CTNNA2: variants seen among roughly 807,000 people sequenced by gnomAD.
The protein encoded by CTNNA2 is catenin alpha-2.
CTNNA2 carries 42 observed loss-of-function variants against 101.0 expected under a neutral mutation model. The ratio of observed to expected loss-of-function variants is 0.42; its 90% CI spans 0.32 to 0.54. CTNNA2 has a LOEUF of 0.54. CTNNA2 is among the 20% of genes least tolerant of loss of function. The probability of loss-of-function intolerance (pLI) is 0.14; values close to 1 mark genes in which losing one functional copy is unlikely to be tolerated. For synonymous variants in CTNNA2, 450 were observed against 456.4 expected (o/e 0.99, Z 0.18); for missense variants, 871 against 1,223.1 (o/e 0.71, Z 4.29).
chr2:79,376,634 C>T (rs1160253818), intron 4 of CTNNA2, among the ~76,000 whole-genome samples: 2 of 152,058 alleles, frequency 1.3e-5, no homozygotes, highest in African/African-American at 2.4e-5. Context: ...ATCCCTCTCC[C>T]CTCCCCCAAC....
At chr2:79,286,290 G>C (rs1195570592) in intron 2 of CTNNA2, among the ~76,000 whole-genome samples, 1 of 152,262 alleles carries the variant, frequency 6.6e-6, no homozygotes, top group South Asian at 2.1e-4. Flanking sequence ...AATTTGATCT[G>C]TCATTATGAT....
intron 7 of CTNNA2, among the ~76,000 whole-genome samples, chr2:80,255,738 G>A (rs952224903): frequency 2.0e-5 from 3 of 152,142 alleles, no homozygotes; most frequent in African/African-American, 7.2e-5. Context: ...ATTGTTCCAG[G>A]AAAGGATGAA....
chr2:80,360,050 T>C (rs12614057), intron 7 of CTNNA2, among the ~76,000 whole-genome samples: 35,779 of 152,006 alleles, frequency 0.24, 4,354 homozygotes, highest in East Asian at 0.39. Context: ...TTTACATCTT[T>C]AATTCCTTTT....
intron 15 of CTNNA2, among the ~76,000 whole-genome samples, chr2:80,589,892 G>GTGTGTGTC (rs1553400596): frequency 5.8e-4 from 86 of 149,374 alleles, no homozygotes; most frequent in African/African-American, 2.0e-3. Context: ...GTGTGTGTGT[G>GTGTGTGTC]TGTGTGTGTG....
chr2:80,096,568 T>C (rs1472374635), intron 7 of CTNNA2, among the ~76,000 whole-genome samples: 1 of 152,174 alleles, frequency 6.6e-6, no homozygotes, highest in Admixed American at 6.5e-5. Flanking sequence ...CCTTGTTAAC[T>C]TTCTGTCTTG....
chr2:80,504,651 G>C (rs1418787587), intron 9 of CTNNA2, among the ~76,000 whole-genome samples: 1 of 152,148 alleles, frequency 6.6e-6, no homozygotes. Flanking sequence ...GGCCTTGGGT[G>C]GGGAACTCTC....
At chr2:80,214,190 T>C (rs1708098718) in intron 7 of CTNNA2, among the ~76,000 whole-genome samples, 1 of 152,220 alleles carries the variant, frequency 6.6e-6, no homozygotes, top group Non-Finnish European at 1.5e-5. Flanking sequence ...TGTCTTTTAC[T>C]TGGAGCATTT....
intron 1 of CTNNA2, among the ~76,000 whole-genome samples, chr2:79,528,269 G>A (rs149326644): frequency 6.6e-6 from 1 of 151,906 alleles, no homozygotes; most frequent in African/African-American, 2.4e-5. Flanking sequence ...GTTAAGTGCA[G>A]TGGTGCAACC....
intron 7 of CTNNA2, among the ~76,000 whole-genome samples, chr2:79,941,504 GC>G (rs1688158777): frequency 6.6e-6 from 1 of 152,186 alleles, no homozygotes. Flanking sequence ...TAATGGTATT[GC>G]CCCACAAGTA....
At chr2:80,230,385 T>C (rs1709132495) in intron 7 of CTNNA2, among the ~76,000 whole-genome samples, 1 of 151,674 alleles carries the variant, frequency 6.6e-6, no homozygotes, top group Admixed American at 6.6e-5. Context: ...TGTAAGCCAC[T>C]GCACTGGTCT....
At chr2:79,697,683 A>G (rs187381289) in intron 2 of CTNNA2, among the ~76,000 whole-genome samples, 77 of 152,148 alleles carry the variant, frequency 5.1e-4, no homozygotes, top group Admixed American at 2.3e-3. Context: ...AACTTTGTCA[A>G]TGTAGAATCA....
At chr2:79,376,428 C>T (rs1310501976) in intron 4 of CTNNA2, among the ~76,000 whole-genome samples, 2 of 148,876 alleles carry the variant, frequency 1.3e-5, no homozygotes, top group Non-Finnish European at 3.0e-5. Context: ...TTGAGTATAG[C>T]CAAAATAGCC....
At chr2:80,174,255 T>G (rs1294084626) in intron 7 of CTNNA2, among the ~76,000 whole-genome samples, 1 of 152,214 alleles carries the variant, frequency 6.6e-6, no homozygotes, top group Non-Finnish European at 1.5e-5. Flanking sequence ...TGTTGCCTCA[T>G]AATATGATTT....
At chr2:80,597,633 A>G (rs1248870729) in intron 15 of CTNNA2, among the ~76,000 whole-genome samples, 1 of 152,170 alleles carries the variant, frequency 6.6e-6, no homozygotes, top group East Asian at 1.9e-4. Context: ...TACAAGAAAA[A>G]AAACACCACC....
At chr2:79,242,511 A>G (rs1228585865) in intron 2 of CTNNA2, among the ~76,000 whole-genome samples, 1 of 152,104 alleles carries the variant, frequency 6.6e-6, no homozygotes, top group Non-Finnish European at 1.5e-5. Flanking sequence ...TAAATTGCCA[A>G]TATTCTGACA....
intron 3 of CTNNA2, among the ~76,000 whole-genome samples, chr2:79,340,381 A>G (rs935507781): frequency 6.6e-6 from 1 of 152,226 alleles, no homozygotes; most frequent in African/African-American, 2.4e-5. Context: ...GACCATAGAC[A>G]ACAGAGGCTA....
Position 80,589,490 on chromosome 2 carries a change from G to A in CTNNA2, c.2189+5G>A. On this transcript the variant is annotated splice_donor_5th_base_variant and intron_variant, in intron 15 of 18. Coordinates refer to ENST00000402739, the MANE Select transcript of CTNNA2 (RefSeq NM_001282597.3). The stretch of plus-strand genomic sequence containing the variant: ...GGAAATGACAGACTTCACAAGGTGA[G>A]GCCCAGAGCCAGGGAGCTGAAGATT... The A allele has an allele frequency of 6.2e-7, 1 of 1,611,578 alleles. No individual in the cohort carries two copies. Among genetic ancestry groups the A allele is most frequent in the South Asian group, 1.1e-5 (1 of 90,942 alleles).
intron 3 of CTNNA2, among the ~76,000 whole-genome samples, chr2:79,774,973 A>G (rs577780264): frequency 6.6e-6 from 1 of 152,276 alleles, no homozygotes; most frequent in East Asian, 1.9e-4. Flanking sequence ...TCACCAATGA[A>G]TATTTTAAAG....
intron 2 of CTNNA2, among the ~76,000 whole-genome samples, chr2:79,670,559 A>C (rs776751334): frequency 1.1e-4 from 17 of 152,196 alleles, no homozygotes; most frequent in Admixed American, 3.9e-4. Flanking sequence ...AAATAAATGA[A>C]GAAATAAATA....
Sources: gnomAD v4.1 joint callset for allele counts (sites outside exome capture counted in the v4.1 genomes callset) on GRCh38, gnomAD v4.1.1 for gene constraint, MANE v1.5 for transcripts, NCBI Gene and HGNC (gene_info 2026-07-23, HGNC 2026-07-21) for gene names.